The following WDR11 variants were observed in gnomAD, a reference collection of about 807,000 sequenced individuals.
WDR11 encodes WD repeat-containing protein 11.
In WDR11, 83 loss-of-function variants were observed where a neutral mutation model predicts 151.2. The observed-to-expected ratio is 0.55, with a 90% CI of 0.46 to 0.66. The LOEUF is 0.66. Among genes scored for constraint, WDR11 ranks in the 30% least tolerant of loss-of-function variants. The pLI is 0.00. For missense variants in WDR11, 1,301 were observed against 1,480.9 expected (o/e 0.88, Z 1.99); for synonymous variants, 484 against 533.1 (o/e 0.91, Z 1.27).
At chr10:120,878,546 C>T (rs1191246159) in intron 12 of WDR11, 87 bp downstream of exon 12, 2 of 1,113,526 alleles carry the variant, frequency 1.8e-6, no homozygotes, top group African/African-American at 1.6e-5. Context: ...CTTCTTTCAC[C>T]TTGGAATTTT....
chr10:120,878,226 T>A, intron 11 of WDR11, 127 bp from the exon 12 acceptor site: 1 of 702,940 alleles, frequency 1.4e-6, no homozygotes, highest in East Asian at 2.8e-5. Flanking sequence ...AGATAAAAGG[T>A]CATGCTTACT....
At chr10:120,860,012 G>T in intron 3 of WDR11, 97 bp from the exon 4 acceptor site, 1 of 1,418,574 alleles carries the variant, frequency 7.0e-7, no homozygotes, top group East Asian at 2.4e-5. Context: ...AGTTTTTAAA[G>T]ATTATATTTT....
At chr10:120,895,414 A>G (rs767105751) in intron 19 of WDR11, among the ~76,000 whole-genome samples, 12 of 152,216 alleles carry the variant, frequency 7.9e-5, no homozygotes, top group Non-Finnish European at 1.8e-4. Context: ...TTAAGTGTTC[A>G]GTGCTTCTGT....
intron 19 of WDR11, among the ~76,000 whole-genome samples, chr10:120,894,052 G>A (rs1322347185): frequency 6.6e-6 from 1 of 151,616 alleles, no homozygotes; most frequent in African/African-American, 2.4e-5. Context: ...GGCTTTTGTT[G>A]CCATTGCTTT....
chr10:120,901,220 G>C, intron 21 of WDR11, 122 bp downstream of exon 21: 21 of 848,454 alleles, frequency 2.5e-5, no homozygotes, highest in Non-Finnish European at 3.7e-5. Flanking sequence ...CCCAAGAAGA[G>C]ACCATTCTGT....
Position 120,860,175 on chromosome 10 carries a change from A to G in WDR11, c.419A>G (p.Tyr140Cys). 1 of 1,614,184 alleles carries G rather than the reference A, an allele frequency of 6.2e-7. No homozygotes were observed. The highest frequency in any genetic ancestry group is 1.3e-5 in the African/African-American group (1 of 75,054). ...CTGCTTGCTATCCACCCGCCAAATT[A>G]CATTGTGCTCTGGAATGCCGACACT... ...DLLLAIHPPN[Y>C]IVLWNADTGT... Residue 140 changes from tyrosine (Y) to cysteine (C), a missense_variant, in exon 4 of 29, where the codon TAC becomes TGC. Around this residue, in one of 3 missense-constraint regions of WDR11, gnomAD observed 692 missense variants for 762.5 expected, o/e 0.91. Coordinates refer to ENST00000263461, the MANE Select transcript of WDR11 (RefSeq NM_018117.12).
rs1270049045 is a variant in WDR11 at position 120,862,615 on chromosome 10, A to G, written c.527-120A>G. The G allele has an allele frequency of 9.4e-6, 10 of 1,059,756 alleles. No homozygotes were observed. In the Admixed American group the frequency reaches 1.4e-4, roughly 15 times the overall value. The allele number at this position is 1,059,756 out of a possible 1,614,324, so 65.6% of individuals were successfully genotyped here. ...CATTCCCATTATGTTATGAATGCAT[A>G]ACATTGCCAGTTATATATTATTAAA... On this transcript the variant is annotated intron_variant, in intron 4 of 28. Transcript: ENST00000263461.
intron 11 of WDR11, among the ~76,000 whole-genome samples, chr10:120,876,822 A>G (rs1374859638): frequency 6.6e-6 from 1 of 152,216 alleles, no homozygotes; most frequent in Non-Finnish European, 1.5e-5. Context: ...TTTCCAGTCT[A>G]CAGAGTAAGA....
At chr10:120,860,342 T>C in intron 4 of WDR11, 60 bp downstream of exon 4, 2 of 1,558,310 alleles carry the variant, frequency 1.3e-6, no homozygotes, top group Non-Finnish European at 1.7e-6. Flanking sequence ...ATAGTAATGC[T>C]ATGTGCATGA....
At chr10:120,884,003 A>G in intron 14 of WDR11, 115 bp downstream of exon 14, 5 of 840,104 alleles carry the variant, frequency 6.0e-6, no homozygotes, top group Non-Finnish European at 9.8e-6. Flanking sequence ...TTGGTTAAAA[A>G]TGTGTGTTCA....
Position 120,900,096 on chromosome 10 carries a change from C to A in WDR11, c.2583C>A (p.His861Gln). 3 of 1,614,062 alleles carry A rather than the reference C, an allele frequency of 1.9e-6. No homozygotes were observed. The highest frequency in any genetic ancestry group is 2.5e-6 in the Non-Finnish European group (3 of 1,179,936). ...TTGCCTTGAAAGCCTTCTTATTACA[C>A]CAGCCTTGGAATGGACAGTATTCTT... Reference protein sequence around the residue: ...ASLALKAFLLHQPWNGQYSLD... With the variant: ...ASLALKAFLLQQPWNGQYSLD... The change falls in exon 20 of 29, where the codon CAC becomes CAA. Residue 861 changes from histidine (H) to glutamine (Q), a missense_variant. Around this residue, in one of 3 missense-constraint regions of WDR11, gnomAD observed 589 missense variants for 670.6 expected, o/e 0.88. Coordinates refer to ENST00000263461, the MANE Select transcript of WDR11 (RefSeq NM_018117.12).
intron 13 of WDR11, among the ~76,000 whole-genome samples, chr10:120,882,944 A>G (rs1364780848): frequency 6.6e-6 from 1 of 152,140 alleles, no homozygotes; most frequent in Non-Finnish European, 1.5e-5. Flanking sequence ...ATGTAATGTA[A>G]ACAGTTAATG....
intron 19 of WDR11, among the ~76,000 whole-genome samples, chr10:120,895,456 T>C (rs1000907770): frequency 6.6e-6 from 1 of 151,910 alleles, no homozygotes; most frequent in Non-Finnish European, 1.5e-5. Flanking sequence ...TTTTCCAAGA[T>C]GCAATCCTTC....
chr10:120,904,056 C>G lies in WDR11; in HGVS notation c.2941C>G (p.Leu981Val), dbSNP rs778998987. ...TTTTTTCCAATTCTAGAAATTTCAG[C>G]TAGAAAGGGTTAATCTGCAGGAAGT... is the stretch of plus-strand genomic sequence containing the variant. ...CENAYFQKFQ[L>V]ERVNLQEVKR... Residue 981 changes from leucine to valine, a missense_variant, in exon 24 of 29, where the codon CTA becomes GTA. Around this residue, in one of 3 missense-constraint regions of WDR11, gnomAD observed 589 missense variants for 670.6 expected, o/e 0.88. Coordinates refer to ENST00000263461, the MANE Select transcript of WDR11 (RefSeq NM_018117.12). 1 of 1,609,834 alleles carries G rather than the reference C, an allele frequency of 6.2e-7. No individual in the cohort carries two copies. Among genetic ancestry groups the G allele is most frequent in the Non-Finnish European group, 8.5e-7 (1 of 1,176,770 alleles).
Position 120,902,341 on chromosome 10 carries a change from T to C in WDR11, c.2753+19T>C. 1 of 1,606,554 alleles carries C rather than the reference T, an allele frequency of 6.2e-7. No individual in the cohort carries two copies. On this transcript the variant is annotated intron_variant, in intron 22 of 28. Transcript: ENST00000263461. Reference sequence around the variant, plus strand: ...TTTCAAGGTAATATTGTTTGATGTATTCTGTATAAGAGACAGGATTTCAAG... The same window carrying C: ...TTTCAAGGTAATATTGTTTGATGTACTCTGTATAAGAGACAGGATTTCAAG...
chr10:120,868,901 G>A (rs1239883837), intron 9 of WDR11: 1 of 152,120 alleles, frequency 6.6e-6, no homozygotes, highest in Non-Finnish European at 1.5e-5. Flanking sequence ...AAATCCATAT[G>A]AGGAAGCCTG....
At chr10:120,898,709 C>G (rs545008003) in intron 19 of WDR11, among the ~76,000 whole-genome samples, 66 of 152,290 alleles carry the variant, frequency 4.3e-4, no homozygotes, top group Admixed American at 1.2e-3. Flanking sequence ...TGCCCCCTCG[C>G]TGGCTCTCTC....
chr10:120,866,881 ATAAT>A (rs1846333619), intron 8 of WDR11, 117 bp downstream of exon 8: 3 of 1,249,020 alleles, frequency 2.4e-6, no homozygotes, highest in East Asian at 2.5e-5. Context: ...TTTTAAGGTA[ATAAT>A]TAAGGCTTTA....
At chr10:120,893,716 G>A (rs1416503221) in intron 19 of WDR11, among the ~76,000 whole-genome samples, 12 of 152,056 alleles carry the variant, frequency 7.9e-5, no homozygotes, top group African/African-American at 2.7e-4. Context: ...TCTAACTGGT[G>A]TGAGATGGTA....
Sources: allele counts gnomAD v4.1 joint callset (sites outside exome capture counted in the v4.1 genomes callset), GRCh38; gene constraint gnomAD v4.1.1; regional missense constraint gnomAD v4.1.1; transcripts MANE v1.5; gene names NCBI Gene and HGNC (gene_info 2026-07-23, HGNC 2026-07-21).